WDFY4: variants seen among roughly 807,000 people sequenced by gnomAD.
WDFY4 encodes WD repeat- and FYVE domain-containing protein 4.
WDFY4 carries 169 observed loss-of-function variants against 351.9 expected under a neutral mutation model. The observed-to-expected ratio is 0.48, with a 90% CI of 0.42 to 0.55. The LOEUF is 0.55. Among genes scored for constraint, WDFY4 ranks in the 20% least tolerant of loss-of-function variants. The pLI, the probability that WDFY4 is intolerant of heterozygous loss-of-function variation, is 0.00. For missense variants in WDFY4, 3,803 were observed against 3,935.6 expected, an observed-to-expected ratio of 0.97 and a Z score of 0.90; for synonymous variants, 1,622 against 1,574.6, an observed-to-expected ratio of 1.03 and a Z score of -0.71.
At chr10:48,699,392 G>A (rs961747832) in intron 1 of WDFY4, among the ~76,000 whole-genome samples, 3 of 152,252 alleles carry the variant, frequency 2.0e-5, no homozygotes, top group South Asian at 4.1e-4. Context: ...CACCCCACAC[G>A]CATACACACC....
At chr10:48,688,481 T>A (rs1458191226) in intron 1 of WDFY4, among the ~76,000 whole-genome samples, 1 of 152,214 alleles carries the variant, frequency 6.6e-6, no homozygotes, top group Admixed American at 6.5e-5. Context: ...TTAAATACAA[T>A]GTTACTATTT....
Position 48,778,639 on chromosome 10 carries a change from A to T in WDFY4, c.3204A>T (p.Gly1068=). The T allele has an allele frequency of 6.4e-7, 1 of 1,551,430 alleles. No homozygotes were observed. The highest frequency in any genetic ancestry group is 8.7e-7 in the Non-Finnish European group (1 of 1,147,004). ...TGATRPFPPP[G]GLTFSCWFLI... ...CCACCAGACCGTTCCCTCCTCCTGGAGGTCTGACCTTCTCCTGCTGGTTCC... is the reference window on the plus strand; with the variant it reads ...CCACCAGACCGTTCCCTCCTCCTGGTGGTCTGACCTTCTCCTGCTGGTTCC... The change falls in exon 18 of 62, where the codon GGA becomes GGT. Residue 1068 remains glycine (G), a synonymous_variant. Coordinates refer to ENST00000325239, the MANE Select transcript of WDFY4 (RefSeq NM_001394531.1).
intron 2 of WDFY4, among the ~76,000 whole-genome samples, chr10:48,714,597 G>C (rs914598543): frequency 6.6e-6 from 1 of 152,202 alleles, no homozygotes; most frequent in South Asian, 2.1e-4. Flanking sequence ...TCATGGGAAG[G>C]TGCTGGTTTT....
intron 34 of WDFY4, among the ~76,000 whole-genome samples, chr10:48,821,436 C>T (rs538877601): frequency 6.6e-5 from 10 of 152,180 alleles, no homozygotes; most frequent in Non-Finnish European, 1.0e-4. Context: ...AAGCAAAAAT[C>T]GGCTCTCCTG....
chr10:48,693,214 C>T (rs1383662020), intron 1 of WDFY4, among the ~76,000 whole-genome samples: 1 of 152,148 alleles, frequency 6.6e-6, no homozygotes, highest in Non-Finnish European at 1.5e-5. Flanking sequence ...AGGACGTTTG[C>T]TCAGGGGAGG....
At chr10:48,823,717 A>G in intron 35 of WDFY4, 1 of 993,740 alleles carries the variant, frequency 1.0e-6, no homozygotes, top group Non-Finnish European at 1.2e-6. Context: ...CCCAGCTAAT[A>G]TCCCAAACAT....
intron 23 of WDFY4, among the ~76,000 whole-genome samples, chr10:48,795,524 CA>C (rs2066838013): frequency 1.9e-5 from 1 of 52,360 alleles, no homozygotes; most frequent in Non-Finnish European, 3.8e-5. Context: ...TATATATATA[CA>C]TATATATATA....
At chr10:48,894,259 C>T (rs535095707) in intron 44 of WDFY4, among the ~76,000 whole-genome samples, 33 of 152,208 alleles carry the variant, frequency 2.2e-4, no homozygotes, top group Non-Finnish European at 4.3e-4. Flanking sequence ...TTCCATATGT[C>T]ATCTGTGTTT....
At chr10:48,760,096 A>G (rs2065456529) in intron 12 of WDFY4, among the ~76,000 whole-genome samples, 1 of 152,222 alleles carries the variant, frequency 6.6e-6, no homozygotes, top group Non-Finnish European at 1.5e-5. Flanking sequence ...CTGAGCATCA[A>G]CTATGGGTCA....
rs55891907 is a variant in WDFY4 at position 48,916,871 on chromosome 10, A to ATG, written c.7586+15046_7586+15047dup. On this transcript the variant is annotated intron_variant, in intron 47 of 61. Coordinates refer to ENST00000325239, the MANE Select transcript of WDFY4 (RefSeq NM_001394531.1). ...AAGTAAAAAGTCCTGCTTTAAAAAT[A>ATG]TGTGTGTGTGTGTGTGTGTGTGTGT... is the stretch of plus-strand genomic sequence containing the variant. Among the ~76,000 whole-genome samples the ATG allele has an allele frequency of 6.1e-3, 913 of 149,378 alleles. 3 individuals carry two copies. Among genetic ancestry groups the ATG allele is most frequent in the East Asian group, 0.022 (111 of 4,992 alleles).
At chr10:48,714,980 A>T (rs2063861703) in intron 2 of WDFY4, among the ~76,000 whole-genome samples, 1 of 152,260 alleles carries the variant, frequency 6.6e-6, no homozygotes, top group South Asian at 2.1e-4. Context: ...ATTTCCAAGC[A>T]TAGGCCTCAA....
chr10:48,777,725 G>T (rs952045818), intron 17 of WDFY4, among the ~76,000 whole-genome samples: 4 of 152,176 alleles, frequency 2.6e-5, no homozygotes, highest in African/African-American at 4.8e-5. Context: ...ACTCCAACCT[G>T]GGCTACAGTG....
chr10:48,777,612 A>G, intron 17 of WDFY4, 117 bp downstream of exon 17: 1 of 1,049,634 alleles, frequency 9.5e-7, no homozygotes, highest in African/African-American at 1.6e-5. Flanking sequence ...TGTGCTGGGC[A>G]TGGTGGCTCA....
At position 48,923,506 on chromosome 10, in the gene WDFY4, A is replaced by ATATATATATATATATATATATGTATG. The variant is rs143983467; in HGVS notation, c.7587-18293_7587-18292insATATATATATATATGTATGTATATAT. On this transcript the variant is annotated intron_variant, in intron 47 of 61. Transcript: ENST00000325239. ...AACAAATAGTTTTTAGTATATATATATATATATGTCCCAAATACCGCATAG... is the reference window on the plus strand; with the variant it reads ...AACAAATAGTTTTTAGTATATATATATATATATATATATATATATATGTATGTATATATGTCCCAAATACCGCATAG... 6.3e-4 allele frequency among the ~76,000 whole-genome samples: 73 copies of ATATATATATATATATATATATGTATG among 115,164 alleles called. 5 individuals carry two copies. The highest frequency in any genetic ancestry group is 3.1e-3 in the Admixed American group (30 of 9,726). 75.6% of individuals were successfully genotyped at this position (115,164 alleles called of 152,430 possible). A position where few individuals can be genotyped will look rare whatever the true frequency, so the allele number is the denominator to read the frequency against.
rs1048395808 is a variant in WDFY4, at chr10:48,946,927, G to T, written c.7935G>T (p.Leu2645=). 32 of 1,551,574 alleles carry T rather than the reference G, an allele frequency of 2.1e-5. No individual in the cohort carries two copies. Among genetic ancestry groups the T allele is most frequent in the Non-Finnish European group, 2.8e-5 (32 of 1,147,040 alleles). The stretch of plus-strand genomic sequence containing the variant: ...CGGCCATCATCGTGGCCTCCTACCT[G>T]GTCCGGATGCCACCCTTCACCCAGG... The part of the protein sequence containing the change: ...YSSAIIVASY[L]VRMPPFTQAF... The change falls in exon 51 of 62, where the codon CTG becomes CTT. Residue 2645 remains leucine, a synonymous_variant. Coordinates refer to ENST00000325239, the MANE Select transcript of WDFY4 (RefSeq NM_001394531.1).
At chr10:48,789,365 C>A (rs1313944978) in intron 21 of WDFY4, among the ~76,000 whole-genome samples, 1 of 152,160 alleles carries the variant, frequency 6.6e-6, no homozygotes, top group Admixed American at 6.5e-5. Context: ...GAGGGTACCC[C>A]CAGAGGATGG....
chr10:48,756,691 T>G (rs2065347372), intron 12 of WDFY4, among the ~76,000 whole-genome samples: 1 of 152,130 alleles, frequency 6.6e-6, no homozygotes, highest in African/African-American at 2.4e-5. Flanking sequence ...ATCTTTCAAA[T>G]GCTTTTTATG....
chr10:48,804,963 T>C (rs2067203426), intron 25 of WDFY4, among the ~76,000 whole-genome samples: 2 of 152,098 alleles, frequency 1.3e-5, no homozygotes, highest in Non-Finnish European at 2.9e-5. Flanking sequence ...TTTGAGTTTC[T>C]GAGGCCAGCA....
intron 52 of WDFY4, among the ~76,000 whole-genome samples, chr10:48,958,050 C>A (rs1841687701): frequency 6.6e-6 from 1 of 152,180 alleles, no homozygotes; most frequent in Non-Finnish European, 1.5e-5. Context: ...TCTAGAGCCC[C>A]CCCTCGTCAG....
Sources: gnomAD v4.1 joint callset for allele counts (sites outside exome capture counted in the v4.1 genomes callset) on GRCh38, gnomAD v4.1.1 for gene constraint, MANE v1.5 for transcripts, NCBI Gene and HGNC (gene_info 2026-07-23, HGNC 2026-07-21) for gene names.